Variants in GABRB2 observed in about 807,000 individuals in gnomAD.
GABRB2 encodes the protein gamma-aminobutyric acid receptor subunit beta-2.
A neutral mutation model predicts 54.7 loss-of-function variants in GABRB2; 16 were observed. That is an observed-to-expected ratio of 0.29 (90% CI 0.20 to 0.44). GABRB2 has a LOEUF of 0.44. GABRB2 is among the 20% of genes least tolerant of loss of function. The probability of loss-of-function intolerance (pLI) is 1.00; values close to 1 mark genes in which losing one functional copy is unlikely to be tolerated. For synonymous variants in GABRB2, 244 were observed against 233.8 expected, an observed-to-expected ratio of 1.04 and a Z score of -0.40; for missense variants, 355 against 644.0, an observed-to-expected ratio of 0.55 and a Z score of 4.86.
intron 4 of GABRB2, among the ~76,000 whole-genome samples, chr5:161,440,171 G>T (rs978400270): frequency 6.6e-6 from 1 of 151,496 alleles, no homozygotes; most frequent in Non-Finnish European, 1.5e-5. Flanking sequence ...AGACAGGAAG[G>T]AAAGAAAGAA....
At chr5:161,371,961 C>A (rs1016340612) in intron 5 of GABRB2, among the ~76,000 whole-genome samples, 4 of 152,074 alleles carry the variant, frequency 2.6e-5, no homozygotes, top group African/African-American at 9.7e-5. Flanking sequence ...AACTCCTGGG[C>A]TCAAGTAATC....
At chr5:161,524,942 A>G (rs1760229605) in intron 3 of GABRB2, among the ~76,000 whole-genome samples, 1 of 151,440 alleles carries the variant, frequency 6.6e-6, no homozygotes, top group African/African-American at 2.4e-5. Flanking sequence ...CATGAAAAAT[A>G]AGTAATAATA....
intron 3 of GABRB2, among the ~76,000 whole-genome samples, chr5:161,479,299 TGG>T (rs1758683944): frequency 6.6e-6 from 1 of 152,064 alleles, no homozygotes; most frequent in Non-Finnish European, 1.5e-5. Context: ...AGGGTTGAAG[TGG>T]AATACCCTCC....
intron 5 of GABRB2, among the ~76,000 whole-genome samples, chr5:161,355,162 T>C (rs192773613): frequency 6.6e-6 from 1 of 151,784 alleles, no homozygotes; most frequent in Non-Finnish European, 1.5e-5. Flanking sequence ...ATTTTCTTTA[T>C]AGTTGATCAT....
intron 8 of GABRB2, 74 bp downstream of exon 8, chr5:161,330,809 A>G (rs779354464): frequency 1.3e-6 from 2 of 1,588,942 alleles, no homozygotes; most frequent in Admixed American, 3.5e-5. Flanking sequence ...TTTGCTCAAC[A>G]AGGTCATCAA....
chr5:161,479,368 T>G (rs911776740), intron 3 of GABRB2, among the ~76,000 whole-genome samples: 15 of 152,056 alleles, frequency 9.9e-5, no homozygotes, highest in African/African-American at 3.6e-4. Flanking sequence ...AGTGCAGAGT[T>G]AGCATTTACA....
At chr5:161,492,457 C>T (rs1759111988) in intron 3 of GABRB2, among the ~76,000 whole-genome samples, 1 of 151,632 alleles carries the variant, frequency 6.6e-6, no homozygotes, top group Non-Finnish European at 1.5e-5. Context: ...CCTTGAAACC[C>T]AAGGAAGACT....
intron 5 of GABRB2, among the ~76,000 whole-genome samples, chr5:161,383,172 C>G (rs531064950): frequency 4.6e-5 from 7 of 152,070 alleles, no homozygotes; most frequent in Admixed American, 1.3e-4. Context: ...TTAATTAACA[C>G]ATCCATCACT....
Position 161,524,576 on chromosome 5 carries a change from A to T in GABRB2, c.237+20651T>A, listed in dbSNP as rs929278297. Among the ~76,000 whole-genome samples the T allele has an allele frequency of 3.9e-4, 59 of 151,550 alleles. 1 individual carries two copies. Among genetic ancestry groups the T allele is most frequent in the Admixed American group, 6.6e-5 (1 of 15,166 alleles). On this transcript the variant is annotated intron_variant, in intron 3 of 9. Transcript: ENST00000393959. The stretch of plus-strand genomic sequence containing the variant: ...TACCTCAGATGTAAGAAAAGCAGAA[A>T]AGTTAGCAATGAACTGATTTAGCCA...
At chr5:161,406,907 G>C (rs1423675771) in intron 5 of GABRB2, among the ~76,000 whole-genome samples, 1 of 152,066 alleles carries the variant, frequency 6.6e-6, no homozygotes, top group African/African-American at 2.4e-5. Context: ...CTAGTTCTTT[G>C]TAGATCCCAC....
At chr5:161,418,295 T>C (rs1460800368) in intron 4 of GABRB2, among the ~76,000 whole-genome samples, 1 of 152,248 alleles carries the variant, frequency 6.6e-6, no homozygotes, top group East Asian at 1.9e-4. Flanking sequence ...AGTTCTTTGA[T>C]GACCAACCTT....
At chr5:161,448,264 AG>A (rs1470454850) in intron 4 of GABRB2, among the ~76,000 whole-genome samples, 1 of 152,118 alleles carries the variant, frequency 6.6e-6, no homozygotes, top group African/African-American at 2.4e-5. Flanking sequence ...CTGTACCAAA[AG>A]TTTAAAAATT....
intron 5 of GABRB2, among the ~76,000 whole-genome samples, chr5:161,403,840 A>G (rs17059422): frequency 0.059 from 9,025 of 152,246 alleles, 671 homozygotes; most frequent in East Asian, 0.17. Flanking sequence ...ATTTCAGTTC[A>G]GATCCATGGC....
At chr5:161,358,703 T>C (rs757418952) in intron 5 of GABRB2, among the ~76,000 whole-genome samples, 4 of 152,128 alleles carry the variant, frequency 2.6e-5, no homozygotes, top group Non-Finnish European at 5.9e-5. Context: ...GAGTATTCAG[T>C]GCTCTTATAT....
At chr5:161,421,558 C>A (rs1350013005) in intron 4 of GABRB2, among the ~76,000 whole-genome samples, 1 of 152,204 alleles carries the variant, frequency 6.6e-6, no homozygotes, top group Non-Finnish European at 1.5e-5. Context: ...CATGCCCCCA[C>A]ACATATTTTC....
At chr5:161,472,510 A>T (rs1010945290) in intron 3 of GABRB2, among the ~76,000 whole-genome samples, 5 of 151,242 alleles carry the variant, frequency 3.3e-5, no homozygotes, top group African/African-American at 1.2e-4. Flanking sequence ...ACATAAAATA[A>T]ATTATTTCTC....
At chr5:161,376,821 G>A (rs139062077) in intron 5 of GABRB2, among the ~76,000 whole-genome samples, 5 of 152,100 alleles carry the variant, frequency 3.3e-5, no homozygotes, top group East Asian at 1.9e-4. Context: ...AAGGCAAATG[G>A]GCCATGTGAT....
At position 161,293,809 on chromosome 5, in the gene GABRB2, TA is replaced by T. The variant is rs1262276378; in HGVS notation, c.*271del. The T allele has an allele frequency of 2.3e-6, 1 of 430,456 alleles. No homozygotes were observed. Among genetic ancestry groups the T allele is most frequent in the African/African-American group, 2.0e-5 (1 of 50,508 alleles). The allele number at this position is 430,456 out of a possible 1,614,324, so 26.7% of individuals were successfully genotyped here. ...ATTATTCCCCTCTGAGTAGGCTGCA[TA>T]CTAAACAGACAACATGGAGCACTCA... On this transcript the variant is annotated 3_prime_UTR_variant, in exon 10 of 10. Coordinates refer to ENST00000393959, the MANE Select transcript of GABRB2 (RefSeq NM_001371727.1).
chr5:161,328,585 C>T (rs1216104107), intron 8 of GABRB2, among the ~76,000 whole-genome samples: 1 of 152,114 alleles, frequency 6.6e-6, no homozygotes, highest in South Asian at 2.1e-4. Flanking sequence ...TGTTCAGAAC[C>T]ATTGTTCTAA....
Sources: gnomAD v4.1 joint callset for allele counts (sites outside exome capture counted in the v4.1 genomes callset) on GRCh38, gnomAD v4.1.1 for gene constraint, MANE v1.5 for transcripts, NCBI Gene and HGNC (gene_info 2026-07-23, HGNC 2026-07-21) for gene names.